The following BID variants were observed in gnomAD, a reference collection of about 807,000 sequenced individuals.
BID encodes the protein BH3-interacting domain death agonist.
A neutral mutation model predicts 17.4 loss-of-function variants in BID; 19 were observed. The observed-to-expected ratio is 1.09, with a 90% CI of 0.76 to 1.60. The LOEUF (loss-of-function observed/expected upper bound fraction) is 1.60, where lower values mean the gene tolerates loss of function less well. Among genes scored for constraint, BID ranks in the 40% most tolerant of loss-of-function variants. The pLI is 0.00. For missense variants in BID, 226 were observed against 256.0 expected, an observed-to-expected ratio of 0.88 and a Z score of 0.80; for synonymous variants, 108 against 102.8, an observed-to-expected ratio of 1.05 and a Z score of -0.31.
In BID at chr22:17,737,984, G is replaced by A. The variant is rs917666988; in HGVS notation, c.576+33C>T. ...TCCAGAGAAAAGGGCATGGGCGGCAGGCAGGGAAGGAGCTGACCTCAAGGG... is the reference window on the plus strand; with the variant it reads ...TCCAGAGAAAAGGGCATGGGCGGCAAGCAGGGAAGGAGCTGACCTCAAGGG... On this transcript the variant is annotated intron_variant, in intron 5 of 5. Transcript: ENST00000622694. 3 of 1,608,092 alleles carry A rather than the reference G, an allele frequency of 1.9e-6. No homozygotes were observed. In the South Asian group the frequency reaches 3.3e-5, roughly 18 times the overall value.
intron 5 of BID, among the ~76,000 whole-genome samples, chr22:17,736,309 T>G (rs1044944786): frequency 6.6e-6 from 1 of 151,632 alleles, no homozygotes; most frequent in Non-Finnish European, 1.5e-5. Flanking sequence ...AATACAAAAT[T>G]AGCCGGTCAT....
intron 2 of BID, among the ~76,000 whole-genome samples, chr22:17,746,737 A>C (rs1036144471): frequency 4.6e-5 from 7 of 152,222 alleles, no homozygotes; most frequent in Non-Finnish European, 8.8e-5. Flanking sequence ...GGGAGATTTA[A>C]GCAGAGACAC....
At chr22:17,763,463 C>T (rs1373708059) in intron 1 of BID, among the ~76,000 whole-genome samples, 1 of 152,136 alleles carries the variant, frequency 6.6e-6, no homozygotes, top group Non-Finnish European at 1.5e-5. Flanking sequence ...AAGCTGGTCT[C>T]GAACTTCTGA....
At chr22:17,771,245 G>GC (rs532722020) in intron 1 of BID, among the ~76,000 whole-genome samples, 191 of 152,176 alleles carry the variant, frequency 1.3e-3, no homozygotes, top group African/African-American at 4.4e-3. Context: ...GACTATGGGC[G>GC]CCCCCCACCA....
chr22:17,759,277 G>T (rs1446007433), intron 1 of BID, among the ~76,000 whole-genome samples: 1 of 130,030 alleles, frequency 7.7e-6, no homozygotes, highest in African/African-American at 2.8e-5. Context: ...ACCAGGTGTG[G>T]GCTGGGTGCG....
chr22:17,739,970 C>A, intron 3 of BID: 1 of 1,149,698 alleles, frequency 8.7e-7, no homozygotes, highest in Non-Finnish European at 1.3e-6. Context: ...TTGTCACTGG[C>A]ACCGGCAAGG....
At chr22:17,752,968 T>A (rs2061551741) in intron 1 of BID, among the ~76,000 whole-genome samples, 1 of 111,056 alleles carries the variant, frequency 9.0e-6, no homozygotes, top group African/African-American at 3.5e-5. Context: ...CCCAGTCTTT[T>A]TTTTTTTTTT....
At position 17,773,974 on chromosome 22, in the gene BID, C is replaced by T; in HGVS notation, c.-59+407G>A. On this transcript the variant is annotated intron_variant, in intron 1 of 5. Transcript: ENST00000622694. This position sits in a 1 kb window ranked among gnomAD's most constrained non-coding sequence, Gnocchi z 4.4. Reference sequence around the variant, plus strand: ...GGTGTGGGCGGGGATTCCGATCCGCCGGCAAGGGTGGCCTGCACCCGGCCA... The same window carrying T: ...GGTGTGGGCGGGGATTCCGATCCGCTGGCAAGGGTGGCCTGCACCCGGCCA... 1 of 521,224 alleles carries T rather than the reference C, an allele frequency of 1.9e-6. No individual in the cohort carries two copies. The highest frequency in any genetic ancestry group is 2.2e-5 in the South Asian group (1 of 45,568). 32.3% of individuals were successfully genotyped at this position (521,224 alleles called of 1,614,324 possible).
intron 2 of BID, among the ~76,000 whole-genome samples, chr22:17,748,932 CTGTTTA>C (rs1046465393): frequency 2.0e-5 from 3 of 152,252 alleles, no homozygotes; most frequent in Non-Finnish European, 4.4e-5. Context: ...GCAATCTCCT[CTGTTTA>C]TGTAACTAAC....
chr22:17,767,361 C>T (rs575842465), intron 1 of BID, among the ~76,000 whole-genome samples: 2 of 152,264 alleles, frequency 1.3e-5, no homozygotes, highest in Admixed American at 6.5e-5. Context: ...ATTCAAGACA[C>T]TTCATGACCT....
chr22:17,740,390 G>T, intron 3 of BID: 1 of 540,278 alleles, frequency 1.9e-6, no homozygotes, highest in Non-Finnish European at 3.3e-6. Flanking sequence ...AGTGAGCCGT[G>T]ATTGCACCAG....
chr22:17,742,097 C>A (rs920812085), intron 3 of BID, among the ~76,000 whole-genome samples: 1 of 152,238 alleles, frequency 6.6e-6, no homozygotes, highest in Non-Finnish European at 1.5e-5. Context: ...GCCGAGTGAA[C>A]GGACTCACCA....
intron 1 of BID, among the ~76,000 whole-genome samples, chr22:17,755,451 G>A (rs2061575269): frequency 6.6e-6 from 1 of 152,180 alleles, no homozygotes; most frequent in African/African-American, 2.4e-5. Context: ...AAGGAGAGGG[G>A]TAGGGAAAGG....
In BID at chr22:17,773,817, G is replaced by C; in HGVS notation, c.-59+564C>G. The stretch of plus-strand genomic sequence containing the variant: ...AACAGTTTCCCAGCAGCAGCAGCGA[G>C]GATCCGCACATCATTGCCAGTGCTC... On this transcript the variant is annotated intron_variant, in intron 1 of 5. Coordinates refer to ENST00000622694, the MANE Select transcript of BID (RefSeq NM_001196.4). The surrounding 1 kb of genome is among the most constrained non-coding windows in gnomAD (Gnocchi z 4.4). 1.1e-6 allele frequency: 1 copy of C among 898,222 alleles called. No homozygotes were observed. The highest frequency in any genetic ancestry group is 1.7e-5 in the African/African-American group (1 of 60,302). 55.6% of individuals were successfully genotyped at this position (898,222 alleles called of 1,614,324 possible).
chr22:17,739,535 T>C (rs1201353241), intron 3 of BID, 47 bp from the exon 4 acceptor site: 2 of 1,582,248 alleles, frequency 1.3e-6, no homozygotes, highest in Non-Finnish European at 1.7e-6. Context: ...TCAGAAAATG[T>C]CCCTGATACC....
intron 2 of BID, among the ~76,000 whole-genome samples, chr22:17,748,470 T>C (rs1291840973): frequency 4.0e-5 from 6 of 151,756 alleles, no homozygotes; most frequent in Non-Finnish European, 5.9e-5. Context: ...ATCGTGCCAC[T>C]GCACTCCAGC....
In BID at chr22:17,772,272, T is replaced by G. The variant is rs573842377; in HGVS notation, c.-59+2109A>C. 2.6e-5 allele frequency among the ~76,000 whole-genome samples: 4 copies of G among 152,348 alleles called. 1 individual carries two copies. Among genetic ancestry groups the G allele is most frequent in the Admixed American group, 2.6e-4 (4 of 15,308 alleles). On this transcript the variant is annotated intron_variant, in intron 1 of 5. Transcript: ENST00000622694. Reference sequence around the variant, plus strand: ...GGATATATGTGGCCGCTGAGGGCGGTCCGCCAGGTATGGCAGCCATGGAGC... The same window carrying G: ...GGATATATGTGGCCGCTGAGGGCGGGCCGCCAGGTATGGCAGCCATGGAGC...
At chr22:17,748,923 C>G (rs2061516470) in intron 2 of BID, among the ~76,000 whole-genome samples, 1 of 152,220 alleles carries the variant, frequency 6.6e-6, no homozygotes, top group Admixed American at 6.5e-5. Flanking sequence ...GGAGCTCCTG[C>G]AATCTCCTCT....
chr22:17,774,457 CCGCTTCCTCCTTATGGCGCCCCGCG>C (rs1263137112), exon 1 of BID: 8 of 294,734 alleles, frequency 2.7e-5, no homozygotes, highest in Non-Finnish European at 3.6e-5. Flanking sequence ...GGTCGACTAC[CCGCTTCCTCCTTATGGCGCCCCGCG>C]CGCTTCCTCC....
Sources: allele counts gnomAD v4.1 joint callset (sites outside exome capture counted in the v4.1 genomes callset), GRCh38; gene constraint gnomAD v4.1.1; non-coding constraint Gnocchi (gnomAD v3.1); transcripts MANE v1.5; gene names NCBI Gene and HGNC (gene_info 2026-07-23, HGNC 2026-07-21).